Variants in LIPA observed in about 807,000 individuals in gnomAD.
The protein encoded by LIPA is lysosomal acid lipase/cholesteryl ester hydrolase.
LIPA carries 26 observed loss-of-function variants against 40.6 expected under a neutral mutation model. That is an observed-to-expected ratio of 0.64 (90% CI 0.47 to 0.89). The LOEUF (loss-of-function observed/expected upper bound fraction) is 0.89, where lower values mean the gene tolerates loss of function less well. Ranked by LOEUF, LIPA falls within the 40% of genes least tolerant of loss-of-function variation. The pLI, the probability that LIPA is intolerant of heterozygous loss-of-function variation, is 0.00. For synonymous variants in LIPA, 188 were observed against 168.4 expected (o/e 1.12, Z -0.90); for missense variants, 455 against 479.6 (o/e 0.95, Z 0.48).
chr10:89,279,745 G>T (rs993379836), intron 1 of LIPA, among the ~76,000 whole-genome samples: 6 of 152,118 alleles, frequency 3.9e-5, no homozygotes, highest in Non-Finnish European at 7.3e-5. Flanking sequence ...GCCTAAACCT[G>T]GCCTATACAC....
intron 1 of LIPA, among the ~76,000 whole-genome samples, chr10:89,269,455 A>C (rs1843254311): frequency 1.3e-5 from 2 of 152,092 alleles, no homozygotes; most frequent in South Asian, 4.1e-4. Context: ...TATATCTTTA[A>C]GGATTTTTTT....
chr10:89,402,740 A>C (rs303211), intron 2 of LIPA: 1 of 1,614,226 alleles, frequency 6.2e-7, no homozygotes, highest in South Asian at 1.1e-5. Flanking sequence ...GTGGAGGAAA[A>C]AATTATGAAC....
intron 1 of LIPA, among the ~76,000 whole-genome samples, chr10:89,315,496 T>A (rs912360716): frequency 2.6e-5 from 4 of 152,124 alleles, no homozygotes; most frequent in Admixed American, 6.5e-5. Flanking sequence ...AGCTAACAAT[T>A]CCTTCATTAT....
intron 2 of LIPA, among the ~76,000 whole-genome samples, chr10:89,376,833 C>T (rs1010984755): frequency 6.6e-5 from 10 of 152,194 alleles, no homozygotes; most frequent in Admixed American, 1.3e-4. Flanking sequence ...ATCCCATGCC[C>T]ATGACCACAC....
At position 89,393,120 on chromosome 10, in the gene LIPA, G is replaced by T. The variant is rs1844282131; in HGVS notation, c.61+19671C>A. The T allele has an allele frequency of 3.1e-6, 4 of 1,294,276 alleles. No individual in the cohort carries two copies. The South Asian group carries it at 4.9e-5, about 16-fold the overall frequency. The allele number at this position is 1,294,276 out of a possible 1,614,324, so 80.2% of individuals were successfully genotyped here. A position where few individuals can be genotyped will look rare whatever the true frequency, so the allele number is the denominator to read the frequency against. On this transcript the variant is annotated intron_variant, in intron 2 of 8. Transcript: ENST00000371837. ...TGCTTTCTGCAGGTTCTTTACCACA[G>T]AGAAAAAGCAGGACCCACAAGAATG...
chr10:89,263,155 G>A (rs570985496), intron 1 of LIPA, among the ~76,000 whole-genome samples: 16 of 152,126 alleles, frequency 1.1e-4, no homozygotes, highest in African/African-American at 2.2e-4. Context: ...GCCCTTCACC[G>A]CCTCCAAGAC....
At chr10:89,394,322 T>C (rs11203106) in intron 2 of LIPA, among the ~76,000 whole-genome samples, 38,100 of 152,042 alleles carry the variant, frequency 0.25, 4,987 homozygotes, top group Middle Eastern at 0.28. Context: ...AATATCATTA[T>C]GCAGTGCATG....
chr10:89,391,265 G>A (rs1844247871), intron 2 of LIPA, among the ~76,000 whole-genome samples: 1 of 152,196 alleles, frequency 6.6e-6, no homozygotes, highest in Admixed American at 6.5e-5. Flanking sequence ...CCAGGCTGGA[G>A]TGCAGTGGTG....
At chr10:89,383,471 G>T (rs1433710164) in intron 2 of LIPA, 1 of 1,614,170 alleles carries the variant, frequency 6.2e-7, no homozygotes, top group Admixed American at 1.7e-5. Context: ...TACAATGTGG[G>T]AATACACAAC....
intron 2 of LIPA, among the ~76,000 whole-genome samples, chr10:89,354,133 G>A (rs562062916): frequency 6.6e-6 from 1 of 152,262 alleles, no homozygotes; most frequent in Non-Finnish European, 1.5e-5. Context: ...TGGATTTGCT[G>A]CTGCTAACCA....
At chr10:89,225,879 C>G (rs1480026988) in intron 5 of LIPA, among the ~76,000 whole-genome samples, 1 of 152,150 alleles carries the variant, frequency 6.6e-6, no homozygotes, top group Non-Finnish European at 1.5e-5. Flanking sequence ...GGGAAACTCC[C>G]TCACTTGGCT....
chr10:89,259,863 T>C (rs944644750), intron 1 of LIPA, among the ~76,000 whole-genome samples: 3 of 152,180 alleles, frequency 2.0e-5, no homozygotes, highest in Non-Finnish European at 4.4e-5. Context: ...AATTAGTGGT[T>C]TCCTGGAGAG....
At chr10:89,334,318 T>C (rs887586466) in intron 1 of LIPA, among the ~76,000 whole-genome samples, 10 of 151,992 alleles carry the variant, frequency 6.6e-5, no homozygotes, top group African/African-American at 2.4e-4. Flanking sequence ...CGAAATCTTA[T>C]GTCTGCAATC....
At chr10:89,335,639 A>T (rs1843725936) in intron 1 of LIPA, 1 of 151,870 alleles carries the variant, frequency 6.6e-6, no homozygotes, top group African/African-American at 2.4e-5. Flanking sequence ...TACATCCAAC[A>T]TCACCTGTCA....
rs147761365 is a variant in LIPA at position 89,218,514 on chromosome 10, A to G, written c.895-2505T>C. Among the ~76,000 whole-genome samples, 546 of 152,340 alleles carry G rather than the reference A, an allele frequency of 3.6e-3. 1 individual carries two copies. The highest frequency in any genetic ancestry group is 0.012 in the African/African-American group (488 of 41,572). Reference sequence around the variant, plus strand: ...AGAATCCCTAAAGCTTTCCCTAAGTACATGGCTGCCAAGATAGAAACCACA... The same window carrying G: ...AGAATCCCTAAAGCTTTCCCTAAGTGCATGGCTGCCAAGATAGAAACCACA... On this transcript the variant is annotated intron_variant, in intron 8 of 9. Coordinates refer to ENST00000336233, the MANE Select transcript of LIPA (RefSeq NM_000235.4).
intron 1 of LIPA, among the ~76,000 whole-genome samples, chr10:89,323,895 A>G (rs1843585630): frequency 2.0e-5 from 3 of 152,188 alleles, no homozygotes; most frequent in Admixed American, 6.5e-5. Flanking sequence ...CAAGCTACCA[A>G]TGACAGTCTT....
intron 3 of LIPA, among the ~76,000 whole-genome samples, chr10:89,243,326 A>G (rs1446019949): frequency 6.6e-6 from 1 of 152,198 alleles, no homozygotes; most frequent in African/African-American, 2.4e-5. Flanking sequence ...TAGAGAACTG[A>G]GTTGTTCACT....
intron 2 of LIPA, among the ~76,000 whole-genome samples, chr10:89,366,073 C>T (rs1321185000): frequency 6.6e-6 from 1 of 152,198 alleles, no homozygotes; most frequent in Non-Finnish European, 1.5e-5. Flanking sequence ...TTGATTCTTC[C>T]TACCCATGAG....
At chr10:89,358,369 AGT>A (rs1439754482) in intron 2 of LIPA, among the ~76,000 whole-genome samples, 1 of 152,238 alleles carries the variant, frequency 6.6e-6, no homozygotes, top group African/African-American at 2.4e-5. Context: ...TATGGAAAAC[AGT>A]ATGACGTTTC....
Sources: gnomAD v4.1 joint callset for allele counts (sites outside exome capture counted in the v4.1 genomes callset) on GRCh38, gnomAD v4.1.1 for gene constraint, MANE v1.5 for transcripts, NCBI Gene and HGNC (gene_info 2026-07-23, HGNC 2026-07-21) for gene names.